The following EHBP1 variants were observed in gnomAD, a reference collection of about 807,000 sequenced individuals.
EHBP1 encodes EH domain binding protein 1.
In EHBP1, 55 loss-of-function variants were observed where a neutral mutation model predicts 144.0. That is an observed-to-expected ratio of 0.38 (90% confidence interval 0.31 to 0.48). The LOEUF (loss-of-function observed/expected upper bound fraction) is 0.48. EHBP1 is among the 20% of genes least tolerant of loss of function. The pLI, the probability that EHBP1 is intolerant of heterozygous loss-of-function variation, is 0.98. For synonymous variants in EHBP1, 469 were observed against 472.7 expected, an observed-to-expected ratio of 0.99 and a Z score of 0.10; for missense variants, 1,200 against 1,364.2, an observed-to-expected ratio of 0.88 and a Z score of 1.90.
At chr2:62,715,557 T>A (rs2035593068) in intron 2 of EHBP1, among the ~76,000 whole-genome samples, 1 of 152,068 alleles carries the variant, frequency 6.6e-6, no homozygotes, top group South Asian at 2.1e-4. Context: ...TTGCACTTGG[T>A]GTGGCCATGT....
intron 10 of EHBP1, among the ~76,000 whole-genome samples, chr2:62,895,326 A>G (rs1353577424): frequency 1.3e-5 from 2 of 149,242 alleles, no homozygotes; most frequent in Non-Finnish European, 3.0e-5. Context: ...TCATCGCTGC[A>G]GAAGCAGAGA....
At chr2:62,952,636 A>T (rs956436542) in intron 13 of EHBP1, among the ~76,000 whole-genome samples, 2 of 152,206 alleles carry the variant, frequency 1.3e-5, no homozygotes, top group Non-Finnish European at 2.9e-5. Context: ...GTAAGTAGTC[A>T]AATTCTATAT....
chr2:62,949,190 T>C, intron 13 of EHBP1, 28 bp downstream of exon 13: 1 of 1,480,980 alleles, frequency 6.8e-7, no homozygotes, highest in Non-Finnish European at 9.0e-7. Context: ...CTGAATACTA[T>C]ATTTAGTAAT....
intron 19 of EHBP1, among the ~76,000 whole-genome samples, chr2:63,002,515 C>T (rs963891178): frequency 2.6e-5 from 4 of 151,996 alleles, no homozygotes; most frequent in Admixed American, 2.6e-4. Flanking sequence ...AATGCTGGTT[C>T]AGTCAATGTC....
At chr2:62,808,921 T>G (rs2044721023) in intron 5 of EHBP1, among the ~76,000 whole-genome samples, 1 of 152,114 alleles carries the variant, frequency 6.6e-6, no homozygotes, top group Admixed American at 6.5e-5. Flanking sequence ...GTATTTCTCT[T>G]CTCCCAGGTT....
chr2:62,963,187 T>C (rs1244840814), intron 14 of EHBP1, among the ~76,000 whole-genome samples: 1 of 152,228 alleles, frequency 6.6e-6, no homozygotes, highest in Non-Finnish European at 1.5e-5. Flanking sequence ...TCCAAATGGC[T>C]TAAGAGAACT....
chr2:62,827,224 G>A (rs1176942473), intron 6 of EHBP1, among the ~76,000 whole-genome samples: 1 of 152,188 alleles, frequency 6.6e-6, no homozygotes, highest in South Asian at 2.1e-4. Flanking sequence ...ATAACAGTAA[G>A]CCTCCTCTCT....
intron 19 of EHBP1, among the ~76,000 whole-genome samples, chr2:63,004,306 T>C (rs1204809147): frequency 6.6e-6 from 1 of 152,030 alleles, no homozygotes; most frequent in Non-Finnish European, 1.5e-5. Flanking sequence ...GTTAGTCTTA[T>C]CTTCTGGGAT....
intron 19 of EHBP1, among the ~76,000 whole-genome samples, chr2:62,996,984 A>G (rs963121286): frequency 2.0e-5 from 3 of 152,100 alleles, no homozygotes; most frequent in Non-Finnish European, 4.4e-5. Context: ...AGCCAGCACT[A>G]TTGAACAGTG....
intron 10 of EHBP1, among the ~76,000 whole-genome samples, chr2:62,894,632 A>G (rs1292678289): frequency 6.6e-6 from 1 of 152,216 alleles, no homozygotes; most frequent in South Asian, 2.1e-4. Flanking sequence ...GTACCTGGAC[A>G]TAAAAATGGA....
intron 3 of EHBP1, among the ~76,000 whole-genome samples, 175 bp downstream of exon 3, chr2:62,747,627 C>G (rs1335280343): frequency 6.6e-6 from 1 of 151,568 alleles, no homozygotes; most frequent in Non-Finnish European, 1.5e-5. Flanking sequence ...GTTCTCAAAA[C>G]GGGAGCCAGA....
intron 5 of EHBP1, among the ~76,000 whole-genome samples, chr2:62,776,546 T>C (rs1045939701): frequency 6.6e-5 from 10 of 152,214 alleles, no homozygotes; most frequent in African/African-American, 2.2e-4. Flanking sequence ...TTCCATTCCT[T>C]TCTACCACTT....
At chr2:62,963,882 C>T (rs1378887347) in intron 14 of EHBP1, among the ~76,000 whole-genome samples, 1 of 152,108 alleles carries the variant, frequency 6.6e-6, no homozygotes. Flanking sequence ...AACACAATCA[C>T]CAAAAGATTT....
chr2:63,019,835 GGAAGGAAGGAAGGAAGGAAGGAAGGAA>G (rs1559074897), intron 19 of EHBP1, among the ~76,000 whole-genome samples: 1,545 of 63,852 alleles, frequency 0.024, 30 homozygotes, highest in Non-Finnish European at 0.036. Context: ...GGGGAGGGAA[GGAAGGAAGGAAGGAAGGAAGGAAGGAA>G]GGAAGGAAGG....
intron 10 of EHBP1, among the ~76,000 whole-genome samples, chr2:62,926,822 C>T (rs2153026624): frequency 6.6e-6 from 1 of 152,270 alleles, no homozygotes; most frequent in African/African-American, 2.4e-5. Context: ...TATGATCCAG[C>T]AGTCCTCCTA....
chr2:62,791,967 T>C (rs983442422), intron 5 of EHBP1, among the ~76,000 whole-genome samples: 7 of 152,046 alleles, frequency 4.6e-5, no homozygotes, highest in African/African-American at 1.7e-4. Flanking sequence ...TCTCTTCATA[T>C]CGCTAATTAA....
chr2:62,864,901 A>T lies in EHBP1; in HGVS notation c.928A>T (p.Ile310Leu). ...TCCCCAGTCTACAAAAAGAAAAAAT[A>T]TAAGACCTGTGGATATGAGCAAGTA... Reference protein sequence around the residue: ...SPPQSTKRKNIRPVDMSKYLY... With the variant: ...SPPQSTKRKNLRPVDMSKYLY... Residue 310 changes from isoleucine to leucine, a missense_variant, in exon 9 of 23, where the codon ATA (isoleucine) becomes TTA (leucine). Ile to Leu is a conservative substitution (Grantham distance 5). This residue lies in a region of EHBP1 where 266 missense variants were observed against 262.4 expected (regional missense o/e 1.01). Transcript: ENST00000431489. The T allele has an allele frequency of 6.2e-7, 1 of 1,614,080 alleles. No homozygotes were observed. The highest frequency in any genetic ancestry group is 8.5e-7 in the Non-Finnish European group (1 of 1,179,984).
intron 19 of EHBP1, among the ~76,000 whole-genome samples, chr2:63,031,920 C>A (rs1172041259): frequency 2.6e-5 from 4 of 152,004 alleles, no homozygotes; most frequent in Non-Finnish European, 4.4e-5. Context: ...CAGAGCAAGA[C>A]CCTGTCTCAA....
At chr2:62,814,758 C>T (rs2045316767) in intron 5 of EHBP1, among the ~76,000 whole-genome samples, 1 of 152,152 alleles carries the variant, frequency 6.6e-6, no homozygotes, top group South Asian at 2.1e-4. Flanking sequence ...ATCACAGGTC[C>T]ACATCTAGAG....
Sources: allele counts gnomAD v4.1 joint callset (sites outside exome capture counted in the v4.1 genomes callset), GRCh38; gene constraint gnomAD v4.1.1; regional missense constraint gnomAD v4.1.1; transcripts MANE v1.5; gene names NCBI Gene and HGNC (gene_info 2026-07-23, HGNC 2026-07-21).